The following XKR9 variants were observed in gnomAD, a reference collection of about 807,000 sequenced individuals.
XKR9 encodes the protein XK-related protein 9.
Under a neutral mutation model 32.0 loss-of-function variants are expected in XKR9, and 32 were observed. That is an observed-to-expected ratio of 1.00 (90% CI 0.76 to 1.34). The LOEUF (loss-of-function observed/expected upper bound fraction) is 1.34. Ranked by LOEUF, XKR9 falls within the 40% of genes most tolerant of loss-of-function variation. XKR9 has a pLI of 0.00. For missense variants in XKR9, 546 were observed against 429.7 expected, an observed-to-expected ratio of 1.27 and a Z score of -2.39; for synonymous variants, 168 against 143.4, an observed-to-expected ratio of 1.17 and a Z score of -1.22.
chr8:70,916,796 A>G, the XKR9 span, among the ~76,000 whole-genome samples: 1 of 151,656 alleles, frequency 6.6e-6, no homozygotes, highest in Admixed American at 6.6e-5. Flanking sequence ...TATATCATTT[A>G]TTCCATTGAT....
At chr8:70,899,136 T>C in the XKR9 span, among the ~76,000 whole-genome samples, 1 of 152,134 alleles carries the variant, frequency 6.6e-6, no homozygotes, top group Non-Finnish European at 1.5e-5. Flanking sequence ...AGGCTATGTA[T>C]CATTTTTCTG....
At chr8:70,821,165 C>T in the XKR9 span, among the ~76,000 whole-genome samples, 63 of 152,184 alleles carry the variant, frequency 4.1e-4, no homozygotes, top group Non-Finnish European at 7.8e-4. Context: ...TTGACCAAAA[C>T]GAAGGGGCTA....
chr8:70,810,959 G>T, the XKR9 span, among the ~76,000 whole-genome samples: 4 of 152,178 alleles, frequency 2.6e-5, no homozygotes, highest in Admixed American at 2.0e-4. Context: ...ATCTACAGAA[G>T]CCTCCACCCC....
At chr8:70,800,621 G>A in the XKR9 span, among the ~76,000 whole-genome samples, 1 of 152,060 alleles carries the variant, frequency 6.6e-6, no homozygotes, top group African/African-American at 2.4e-5. Context: ...AAGTAGGTGG[G>A]ATTACAGCCA....
At position 70,735,107 on chromosome 8, in the gene XKR9, T is replaced by C. The variant is rs1010461102; in HGVS notation, c.*683T>C. 6.6e-6 allele frequency: 1 copy of C among 152,126 alleles called. No homozygotes were observed. Among genetic ancestry groups the C allele is most frequent in the Admixed American group, 6.6e-5 (1 of 15,264 alleles). The allele number at this position is 152,126 out of a possible 1,614,324, so 9.4% of individuals were successfully genotyped here. A position where few individuals can be genotyped will look rare whatever the true frequency, so the allele number is the denominator to read the frequency against. ...TAAAATTATTTTTATTTTTAAAAAA[T>C]TATGGTAAAAACATATAAAATTTAC... On this transcript the variant is annotated 3_prime_UTR_variant, in exon 5 of 5. Transcript: ENST00000408926.
At chr8:70,915,890 C>G in the XKR9 span, among the ~76,000 whole-genome samples, 1 of 152,150 alleles carries the variant, frequency 6.6e-6, no homozygotes, top group Admixed American at 6.6e-5. Context: ...TTTCCGAAGT[C>G]ACTCCATCCC....
intron 2 of XKR9, among the ~76,000 whole-genome samples, chr8:70,762,654 T>C (rs944617212): frequency 1.3e-5 from 2 of 152,226 alleles, no homozygotes; most frequent in Non-Finnish European, 2.9e-5. Context: ...TATGGTATTT[T>C]TTGAAAATAA....
downstream of XKR9, among the ~76,000 whole-genome samples, chr8:70,791,489 C>T (rs558691814): frequency 1.1e-4 from 17 of 152,124 alleles, no homozygotes; most frequent in Admixed American, 8.5e-4. Context: ...GGTGATTAGG[C>T]CACGAGGGCT....
At chr8:71,015,570 AG>A in the XKR9 span, among the ~76,000 whole-genome samples, 92 of 152,318 alleles carry the variant, frequency 6.0e-4, 1 homozygote, top group African/African-American at 2.2e-3. Flanking sequence ...TATGGCCTAT[AG>A]TAACAAAAGC....
At chr8:71,053,867 C>T in the XKR9 span, among the ~76,000 whole-genome samples, 3,250 of 152,318 alleles carry the variant, frequency 0.021, 81 homozygotes, top group East Asian at 0.1. Flanking sequence ...CTTCTCCTCT[C>T]TTAGAACACT....
the XKR9 span, among the ~76,000 whole-genome samples, chr8:70,944,308 A>G: frequency 2.0e-5 from 3 of 152,226 alleles, no homozygotes; most frequent in Non-Finnish European, 2.9e-5. Flanking sequence ...CTAAGAAAGA[A>G]CCATCAGGTT....
chr8:71,023,647 C>A, the XKR9 span, among the ~76,000 whole-genome samples: 1 of 152,002 alleles, frequency 6.6e-6, no homozygotes, highest in Non-Finnish European at 1.5e-5. Flanking sequence ...ATGGGTGAGG[C>A]CTGAAGCTTT....
chr8:70,714,138 TACAGTG>T (rs1032586625), intron 4 of XKR9, among the ~76,000 whole-genome samples: 33 of 152,202 alleles, frequency 2.2e-4, no homozygotes, highest in African/African-American at 7.7e-4. Context: ...TTTCTCTTTT[TACAGTG>T]ACACTAGTCC....
intron 4 of XKR9, among the ~76,000 whole-genome samples, chr8:70,723,990 C>T (rs1586858923): frequency 6.6e-6 from 1 of 151,832 alleles, no homozygotes; most frequent in Non-Finnish European, 1.5e-5. Context: ...CCCACAACCA[C>T]CCCTTTACCG....
intron 2 of XKR9, among the ~76,000 whole-genome samples, chr8:70,744,682 C>T (rs192465243): frequency 3.1e-4 from 47 of 152,302 alleles, no homozygotes; most frequent in African/African-American, 1.1e-3. Context: ...CGTGGCTCAC[C>T]ACAACCTCCA....
chr8:70,767,593 T>A (rs1183068998), intron 2 of XKR9, among the ~76,000 whole-genome samples: 3 of 149,744 alleles, frequency 2.0e-5, no homozygotes, highest in African/African-American at 4.9e-5. Context: ...GCCTCCTGGG[T>A]TCACGTCATT....
the XKR9 span, among the ~76,000 whole-genome samples, chr8:70,865,711 T>C: frequency 1.3e-5 from 2 of 152,160 alleles, no homozygotes; most frequent in African/African-American, 2.4e-5. Context: ...TCCATGCTCT[T>C]AGTCAAAAGG....
the XKR9 span, among the ~76,000 whole-genome samples, chr8:70,945,137 T>C: frequency 6.6e-6 from 1 of 152,234 alleles, no homozygotes; most frequent in Admixed American, 6.5e-5. Flanking sequence ...ACTTTATCAT[T>C]GTTAATTTGA....
chr8:70,812,401 T>C, the XKR9 span, among the ~76,000 whole-genome samples: 1 of 152,198 alleles, frequency 6.6e-6, no homozygotes, highest in African/African-American at 2.4e-5. Context: ...ATGCCCTCTC[T>C]CACCACTCCT....
Sources: allele counts gnomAD v4.1 joint callset (sites outside exome capture counted in the v4.1 genomes callset), GRCh38; gene constraint gnomAD v4.1.1; transcripts MANE v1.5; gene names NCBI Gene and HGNC (gene_info 2026-07-23, HGNC 2026-07-21).